WDR70: variants seen among roughly 807,000 people sequenced by gnomAD.
WDR70 encodes WD repeat-containing protein 70.
WDR70 carries 53 observed loss-of-function variants against 88.6 expected under a neutral mutation model. The ratio of observed to expected loss-of-function variants is 0.60; its 90% CI spans 0.48 to 0.75. The LOEUF is 0.75. WDR70 is among the 30% of genes least tolerant of loss of function. The pLI, the probability that WDR70 is intolerant of heterozygous loss-of-function variation, is 0.00. For synonymous variants in WDR70, 280 were observed against 270.0 expected, an observed-to-expected ratio of 1.04 and a Z score of -0.36; for missense variants, 610 against 823.2, an observed-to-expected ratio of 0.74 and a Z score of 3.17.
intron 8 of WDR70, among the ~76,000 whole-genome samples, chr5:37,486,198 T>G (rs1739863173): frequency 6.6e-6 from 1 of 152,174 alleles, no homozygotes; most frequent in African/African-American, 2.4e-5. Flanking sequence ...AGCCATTGGA[T>G]TAAATTATTA....
At chr5:37,408,460 C>G (rs149260511) in intron 5 of WDR70, among the ~76,000 whole-genome samples, 28 of 151,896 alleles carry the variant, frequency 1.8e-4, no homozygotes, top group African/African-American at 6.5e-4. Context: ...GGAGACAGAG[C>G]GAGACACTTG....
chr5:37,573,519 A>C (rs561011590), intron 9 of WDR70, among the ~76,000 whole-genome samples: 1 of 139,108 alleles, frequency 7.2e-6, no homozygotes, highest in Admixed American at 7.1e-5. Flanking sequence ...TCCTAATGCT[A>C]TCCCTCCCCC....
At chr5:37,554,479 A>G (rs1340931268) in intron 9 of WDR70, among the ~76,000 whole-genome samples, 1 of 152,164 alleles carries the variant, frequency 6.6e-6, no homozygotes, top group East Asian at 1.9e-4. Flanking sequence ...AGATGAATGG[A>G]AGTCCAGGAA....
At chr5:37,513,722 C>T (rs536626429) in intron 8 of WDR70, among the ~76,000 whole-genome samples, 168 of 152,204 alleles carry the variant, frequency 1.1e-3, no homozygotes, top group Middle Eastern at 3.4e-3. Context: ...GGGAGAAAGA[C>T]GTAGGCTGGG....
intron 7 of WDR70, among the ~76,000 whole-genome samples, chr5:37,477,676 C>A (rs757289596): frequency 2.0e-5 from 3 of 152,168 alleles, no homozygotes; most frequent in African/African-American, 4.8e-5. Flanking sequence ...TTGATGCTTT[C>A]TGGGATTAAC....
intron 7 of WDR70, among the ~76,000 whole-genome samples, chr5:37,455,231 ATTTC>A (rs1174572768): frequency 5.0e-5 from 7 of 141,250 alleles, no homozygotes; most frequent in East Asian, 4.2e-4. Flanking sequence ...ACCTGTCCTG[ATTTC>A]TTTCTTTCTT....
chr5:37,496,240 A>G (rs1047468595), intron 8 of WDR70, among the ~76,000 whole-genome samples: 4 of 152,236 alleles, frequency 2.6e-5, no homozygotes, highest in Admixed American at 1.3e-4. Context: ...CACCCCAGCC[A>G]GCTGCCGCCA....
At chr5:37,608,441 C>T (rs1369122751) in intron 10 of WDR70, among the ~76,000 whole-genome samples, 2 of 152,128 alleles carry the variant, frequency 1.3e-5, no homozygotes, top group Admixed American at 1.3e-4. Context: ...TCCCTGACCA[C>T]ACCATATTTA....
At chr5:37,510,494 T>C (rs924285851) in intron 8 of WDR70, among the ~76,000 whole-genome samples, 1 of 152,218 alleles carries the variant, frequency 6.6e-6, no homozygotes, top group African/African-American at 2.4e-5. Flanking sequence ...GACAGGGTCT[T>C]GCTTTGATGC....
intron 13 of WDR70, among the ~76,000 whole-genome samples, chr5:37,705,335 A>G (rs538095829): frequency 2.1e-3 from 316 of 152,340 alleles, no homozygotes; most frequent in African/African-American, 7.2e-3. Flanking sequence ...AATGAAACTA[A>G]GAAAGGAGAA....
rs1161027542 is a variant in WDR70 at position 37,703,923 on chromosome 5, C to T, written c.1416+836C>T. On this transcript the variant is annotated intron_variant, in intron 13 of 17. Transcript: ENST00000265107. ...AACAGTGCTCTTATGTAGGTTTTTC[C>T]AGTTGTTTCAGCTCTTTGTAAACAG... is the stretch of plus-strand genomic sequence containing the variant. Among the ~76,000 whole-genome samples the T allele has an allele frequency of 2.6e-5, 4 of 152,058 alleles. No homozygotes were observed. The East Asian group carries it at 7.7e-4, about 29-fold the overall frequency.
chr5:37,632,312 C>CTATA (rs1744840090), intron 10 of WDR70, among the ~76,000 whole-genome samples: 1 of 152,030 alleles, frequency 6.6e-6, no homozygotes. Flanking sequence ...CTATACTATA[C>CTATA]CTTTAGTGTA....
intron 9 of WDR70, among the ~76,000 whole-genome samples, chr5:37,557,957 A>ACCC: frequency 7.2e-6 from 1 of 139,252 alleles, no homozygotes; most frequent in Non-Finnish European, 1.6e-5. Context: ...TCAAAAGAGT[A>ACCC]TTATGTATAT....
At chr5:37,544,289 A>T (rs975177069) in intron 9 of WDR70, among the ~76,000 whole-genome samples, 1 of 152,242 alleles carries the variant, frequency 6.6e-6, no homozygotes, top group Non-Finnish European at 1.5e-5. Flanking sequence ...AGTGCCAAAG[A>T]GTAAGTACAT....
At chr5:37,453,143 C>T (rs1172560654) in intron 7 of WDR70, among the ~76,000 whole-genome samples, 1 of 152,006 alleles carries the variant, frequency 6.6e-6, no homozygotes, top group South Asian at 2.1e-4. Context: ...CATTATTTAC[C>T]TGAATATATT....
At chr5:37,724,676 G>A in intron 15 of WDR70, 1 of 368,984 alleles carries the variant, frequency 2.7e-6, no homozygotes, top group Admixed American at 4.5e-5. Flanking sequence ...TGGTTTGGGA[G>A]ATGGGGAGCC....
At chr5:37,454,508 A>G (rs1738774308) in intron 7 of WDR70, among the ~76,000 whole-genome samples, 1 of 152,178 alleles carries the variant, frequency 6.6e-6, no homozygotes, top group Non-Finnish European at 1.5e-5. Context: ...CAAATAAATA[A>G]AAAAAGAAAA....
intron 9 of WDR70, among the ~76,000 whole-genome samples, chr5:37,542,593 C>T (rs1412045047): frequency 1.3e-5 from 2 of 151,940 alleles, no homozygotes; most frequent in African/African-American, 4.8e-5. Context: ...ACTTTAGTTT[C>T]TTTTGAGCAA....
intron 9 of WDR70, 119 bp downstream of exon 9, chr5:37,516,709 A>T (rs1168404907): frequency 2.3e-5 from 4 of 171,390 alleles, no homozygotes; most frequent in Non-Finnish European, 3.0e-5. Flanking sequence ...TTCTTATTAT[A>T]TACATATATA....
Sources: allele counts gnomAD v4.1 joint callset (sites outside exome capture counted in the v4.1 genomes callset), GRCh38; gene constraint gnomAD v4.1.1; transcripts MANE v1.5; gene names NCBI Gene and HGNC (gene_info 2026-07-23, HGNC 2026-07-21).